Variants in MYO7B observed in about 807,000 individuals in gnomAD.
The protein encoded by MYO7B is unconventional myosin-VIIb.
Under a neutral mutation model 259.7 loss-of-function variants are expected in MYO7B, and 212 were observed. The ratio of observed to expected loss-of-function variants is 0.82; its 90% CI spans 0.73 to 0.91. MYO7B has a LOEUF of 0.91. Among genes scored for constraint, MYO7B ranks in the 40% least tolerant of loss-of-function variants. The probability of loss-of-function intolerance (pLI) is 0.00; values close to 1 mark genes in which losing one functional copy is unlikely to be tolerated. For missense variants in MYO7B, 2,732 were observed against 2,813.5 expected (o/e 0.97, Z 0.66); for synonymous variants, 1,197 against 1,166.4 (o/e 1.03, Z -0.54).
At chr2:127,610,930 AC>A (rs373040774) in intron 24 of MYO7B, among the ~76,000 whole-genome samples, 106 of 151,396 alleles carry the variant, frequency 7.0e-4, no homozygotes, top group African/African-American at 9.7e-4. Context: ...GTAACAAATT[AC>A]CCCCCCCAAA....
rs903002240 is a variant in MYO7B, at chr2:127,632,509, C to T, written c.5405+108C>T. 2.4e-5 allele frequency: 33 copies of T among 1,365,466 alleles called. No homozygotes were observed. The African/African-American group carries it at 3.9e-4, about 16-fold the overall frequency. 84.6% of individuals were successfully genotyped at this position (1,365,466 alleles called of 1,614,324 possible). ...AGCTCATGGTCCTGGGAGGACTCTCCAGAAGCCAGTGTCAGCTTGGCAGGC... is the reference window on the plus strand; with the variant it reads ...AGCTCATGGTCCTGGGAGGACTCTCTAGAAGCCAGTGTCAGCTTGGCAGGC... On this transcript the variant is annotated intron_variant, in intron 39 of 47. Coordinates refer to ENST00000409816, the MANE Select transcript of MYO7B (RefSeq NM_001393586.1).
chr2:127,620,987 C>G (rs936916051), intron 27 of MYO7B, among the ~76,000 whole-genome samples: 15 of 152,212 alleles, frequency 9.9e-5, no homozygotes, highest in African/African-American at 3.4e-4. Flanking sequence ...AGCTAACTTC[C>G]GTTAATATTT....
intron 3 of MYO7B, 137 bp downstream of exon 3, chr2:127,564,403 C>A: frequency 1.7e-6 from 1 of 596,836 alleles, no homozygotes; most frequent in African/African-American, 1.9e-5. Flanking sequence ...CAGGACAGAT[C>A]ACGGTGGAGT....
rs372470426 is a variant in MYO7B, at chr2:127,637,429, G to A, written c.*12G>A. 5.3e-6 allele frequency: 8 copies of A among 1,498,234 alleles called. No individual in the cohort carries two copies. The highest frequency in any genetic ancestry group is 2.3e-5 in the Admixed American group (1 of 43,508). The allele number at this position is 1,498,234 out of a possible 1,614,324, so 92.8% of individuals were successfully genotyped here. Reference sequence around the variant, plus strand: ...TGGCCAGCACCTAGCAGCGGATGCTGGCGTGTCTGCTCAGGCGCCCTTCCC... The same window carrying A: ...TGGCCAGCACCTAGCAGCGGATGCTAGCGTGTCTGCTCAGGCGCCCTTCCC... On this transcript the variant is annotated 3_prime_UTR_variant, in exon 48 of 48. Coordinates refer to ENST00000409816, the MANE Select transcript of MYO7B (RefSeq NM_001393586.1).
Position 127,629,628 on chromosome 2 carries a change from C to T in MYO7B, c.4625-17C>T, listed in dbSNP as rs769524407. On this transcript the variant is annotated splice_polypyrimidine_tract_variant and intron_variant, in intron 34 of 47. Coordinates refer to ENST00000409816, the MANE Select transcript of MYO7B (RefSeq NM_001393586.1). Reference sequence around the variant, plus strand: ...CCCCTGCAGAGCCCTCAGCAAATAGCCTCCCTGCCCTTACAGATGACACCA... The same window carrying T: ...CCCCTGCAGAGCCCTCAGCAAATAGTCTCCCTGCCCTTACAGATGACACCA... The T allele has an allele frequency of 4.4e-6, 7 of 1,606,454 alleles. No homozygotes were observed. In the African/African-American group the frequency reaches 6.7e-5, roughly 15 times the overall value.
intron 26 of MYO7B, 21 bp downstream of exon 26, chr2:127,612,624 C>A: frequency 6.2e-7 from 1 of 1,607,598 alleles, no homozygotes. Flanking sequence ...ACTCCCATCC[C>A]GGCCCCATTC....
intron 14 of MYO7B, 40 bp from the exon 15 acceptor site, chr2:127,588,352 G>A: frequency 6.2e-7 from 1 of 1,605,404 alleles, no homozygotes; most frequent in Non-Finnish European, 8.5e-7. Flanking sequence ...GGGCAGTGAT[G>A]GCTAAGCTGG....
At position 127,633,361 on chromosome 2, in the gene MYO7B, G is replaced by C; in HGVS notation, c.5509G>C (p.Glu1837Gln). The part of the protein sequence containing the change: ...HKIYFPNDTS[E>Q]MLEVVANTRV... ...GATCTACTTCCCCAATGACACCAGT[G>C]AGGTGAGGCCCTGCTCTGGTCTGCA... The change falls in exon 40 of 48, where the codon GAG becomes CAG. Residue 1837 changes from glutamate to glutamine, a missense_variant and splice_region_variant. Around this residue, in one of 3 missense-constraint regions of MYO7B, gnomAD observed 821 missense variants for 769.3 expected, o/e 1.07. Coordinates refer to ENST00000409816, the MANE Select transcript of MYO7B (RefSeq NM_001393586.1). The C allele has an allele frequency of 1.2e-6, 2 of 1,612,702 alleles. No homozygotes were observed. Among genetic ancestry groups the C allele is most frequent in the Non-Finnish European group, 1.7e-6 (2 of 1,179,612 alleles).
chr2:127,605,211 C>A (rs188317071), intron 19 of MYO7B, among the ~76,000 whole-genome samples: 2 of 152,148 alleles, frequency 1.3e-5, no homozygotes, highest in Non-Finnish European at 2.9e-5. Context: ...AGAGGAGGGC[C>A]GTCTGCAATA....
intron 38 of MYO7B, among the ~76,000 whole-genome samples, chr2:127,632,022 T>C (rs915368851): frequency 3.9e-5 from 6 of 152,208 alleles, no homozygotes; most frequent in African/African-American, 1.4e-4. Flanking sequence ...AGTGTCGTCT[T>C]CCACAAAATG....
rs564856425 is a variant in MYO7B at position 127,637,428 on chromosome 2, T to C, written c.*11T>C. On this transcript the variant is annotated 3_prime_UTR_variant, in exon 48 of 48. Transcript: ENST00000409816. ...CTGGCCAGCACCTAGCAGCGGATGC[T>C]GGCGTGTCTGCTCAGGCGCCCTTCC... 5.3e-6 allele frequency: 8 copies of C among 1,498,288 alleles called. No individual in the cohort carries two copies. The highest frequency in any genetic ancestry group is 5.4e-6 in the Non-Finnish European group (6 of 1,121,138). The allele number at this position is 1,498,288 out of a possible 1,614,324, so 92.8% of individuals were successfully genotyped here.
Position 127,625,482 on chromosome 2 carries a change from A to G in MYO7B, c.4162A>G (p.Arg1388Gly). 1 of 1,612,096 alleles carries G rather than the reference A, an allele frequency of 6.2e-7. No homozygotes were observed. Among genetic ancestry groups the G allele is most frequent in the Non-Finnish European group, 8.5e-7 (1 of 1,179,534 alleles). ...CAGCTGCATCCCCCACAAGCTGTAC[A>G]GGACCAAGCCCCCAGACAGGTGGGC... Reference protein sequence around the residue: ...LPSCIPHKLYRTKPPDRWASL... With the variant: ...LPSCIPHKLYGTKPPDRWASL... Residue 1388 changes from arginine (R) to glycine (G), a missense_variant, in exon 31 of 48, where the codon AGG becomes GGG. By Grantham distance (125) the Arg-to-Gly change is moderately radical. Around this residue, in one of 3 missense-constraint regions of MYO7B, gnomAD observed 1,906 missense variants for 2,026.4 expected, o/e 0.94. Coordinates refer to ENST00000409816, the MANE Select transcript of MYO7B (RefSeq NM_001393586.1).
intron 19 of MYO7B, among the ~76,000 whole-genome samples, chr2:127,604,703 T>G (rs1239126772): frequency 6.6e-6 from 1 of 152,208 alleles, no homozygotes; most frequent in East Asian, 1.9e-4. Flanking sequence ...TATAGAGTTA[T>G]TAACTGGCCT....
Position 127,569,827 on chromosome 2 carries a change from T to C in MYO7B, c.509T>C (p.Leu170Pro). ...SGAGKTETTK[L>P]ILQFLATISG... is the part of the protein sequence containing the mutation. ...GCTGGCAAGACGGAGACCACCAAGCTCATCCTGCAGTTCCTGGCCACCATC... is the reference window on the plus strand; with the variant it reads ...GCTGGCAAGACGGAGACCACCAAGCCCATCCTGCAGTTCCTGGCCACCATC... The change falls in exon 6 of 48, where the codon CTC (leucine) becomes CCC (proline). Residue 170 changes from leucine (L) to proline (P), a missense_variant. By Grantham distance (98) the Leu-to-Pro change is moderately conservative. Coordinates refer to ENST00000409816, the MANE Select transcript of MYO7B (RefSeq NM_001393586.1). 6.2e-7 allele frequency: 1 copy of C among 1,613,320 alleles called. No individual in the cohort carries two copies. The highest frequency in any genetic ancestry group is 1.3e-5 in the African/African-American group (1 of 75,000).
In MYO7B at chr2:127,576,733, C is replaced by T. The variant is rs2104916369; in HGVS notation, c.849+25C>T. 1 of 1,484,482 alleles carries T rather than the reference C, an allele frequency of 6.7e-7. No individual in the cohort carries two copies. Among genetic ancestry groups the T allele is most frequent in the African/African-American group, 1.4e-5 (1 of 71,964 alleles). The allele number at this position is 1,484,482 out of a possible 1,614,324, so 92.0% of individuals were successfully genotyped here. On this transcript the variant is annotated intron_variant, in intron 8 of 47. Coordinates refer to ENST00000409816, the MANE Select transcript of MYO7B (RefSeq NM_001393586.1). This position sits in a 1 kb window ranked among gnomAD's most constrained non-coding sequence, Gnocchi z 4.9. ...GGTGAGCTGCCCACCTGCCGCCTCC[C>T]AGTAGCCAGTGGAAGGGAGGAAAAA...
chr2:127,631,491 G>C, intron 37 of MYO7B, 109 bp from the exon 38 acceptor site: 1 of 1,524,502 alleles, frequency 6.6e-7, no homozygotes, highest in East Asian at 2.3e-5. Context: ...GGAGTGGCGG[G>C]ACAGAGCCCA....
At chr2:127,572,494 CTCCT>C (rs1377241828) in intron 6 of MYO7B, among the ~76,000 whole-genome samples, 1 of 139,810 alleles carries the variant, frequency 7.2e-6, no homozygotes, top group Non-Finnish European at 1.5e-5. Context: ...CTTTCTTTTT[CTCCT>C]TCCTTCCTTT....
Position 127,627,151 on chromosome 2 carries a change from T to C in MYO7B, c.4334-33T>C. The C allele has an allele frequency of 6.2e-7, 1 of 1,604,046 alleles. No homozygotes were observed. The highest frequency in any genetic ancestry group is 8.5e-7 in the Non-Finnish European group (1 of 1,175,620). On this transcript the variant is annotated intron_variant, in intron 32 of 47. Coordinates refer to ENST00000409816, the MANE Select transcript of MYO7B (RefSeq NM_001393586.1). This position sits in a 1 kb window ranked among gnomAD's most constrained non-coding sequence, Gnocchi z 5.6. The stretch of plus-strand genomic sequence containing the variant: ...ATGGGCTGGGCACCCAGGGGTCCCA[T>C]GCAGCCTTCACACTGCCGTCTCTCC...
In MYO7B at chr2:127,564,346, C is replaced by G. The variant is rs1225596809; in HGVS notation, c.132+80C>G. ...TGGAGCCCTCCCCGCCCTGTGGAGC[C>G]TCTCCCCAACACCAGGGGCTCCAAG... On this transcript the variant is annotated intron_variant, in intron 3 of 47. Coordinates refer to ENST00000409816, the MANE Select transcript of MYO7B (RefSeq NM_001393586.1). 5 of 1,159,134 alleles carry G rather than the reference C, an allele frequency of 4.3e-6. 1 individual carries two copies. The South Asian group carries it at 7.7e-5, about 18-fold the overall frequency. 71.8% of individuals were successfully genotyped at this position (1,159,134 alleles called of 1,614,324 possible). A position where few individuals can be genotyped will look rare whatever the true frequency, so the allele number is the denominator to read the frequency against.
Sources: allele counts gnomAD v4.1 joint callset (sites outside exome capture counted in the v4.1 genomes callset), GRCh38; gene constraint gnomAD v4.1.1; regional missense constraint gnomAD v4.1.1; non-coding constraint Gnocchi (gnomAD v3.1); transcripts MANE v1.5; gene names NCBI Gene and HGNC (gene_info 2026-07-23, HGNC 2026-07-21).